The following PARP6 variants were observed in gnomAD, a reference collection of about 807,000 sequenced individuals.
PARP6 encodes poly(ADP-ribose) polymerase family member 6.
In PARP6, 27 loss-of-function variants were observed where a neutral mutation model predicts 92.0. The observed-to-expected ratio is 0.29, with a 90% CI of 0.22 to 0.40. PARP6 has a LOEUF of 0.40. Ranked by LOEUF, PARP6 falls within the 10% of genes least tolerant of loss-of-function variation. The probability of loss-of-function intolerance (pLI) is 1.00; values close to 1 mark genes in which losing one functional copy is unlikely to be tolerated. For synonymous variants in PARP6, 272 were observed against 281.2 expected, an observed-to-expected ratio of 0.97 and a Z score of 0.33; for missense variants, 501 against 784.5, an observed-to-expected ratio of 0.64 and a Z score of 4.32.
chr15:72,245,549 A>C (rs1026313578), intron 20 of PARP6: 1 of 152,232 alleles, frequency 6.6e-6, no homozygotes, highest in Non-Finnish European at 1.5e-5. Context: ...TTGCAGCCCT[A>C]TCTCTGCTAC....
chr15:72,267,449 T>TG (rs779043866), intron 3 of PARP6, 26 bp downstream of exon 3: 1 of 1,612,976 alleles, frequency 6.2e-7, no homozygotes, highest in Non-Finnish European at 8.5e-7. Flanking sequence ...AACAATCAGT[T>TG]GGAGAGGTGG....
intron 13 of PARP6, 99 bp downstream of exon 13, chr15:72,257,249 A>G: frequency 1.1e-6 from 1 of 875,054 alleles, no homozygotes; most frequent in Middle Eastern, 2.2e-4. Flanking sequence ...TATCTTATAT[A>G]CAAAAGCATT....
chr15:72,245,055 C>G (rs1349894232), intron 20 of PARP6: 1 of 152,326 alleles, frequency 6.6e-6, no homozygotes, highest in Non-Finnish European at 1.5e-5. Context: ...ATGACAAGAA[C>G]AGCACTGGAA....
At chr15:72,259,584 G>C (rs778119530) in intron 11 of PARP6, 24 bp downstream of exon 11, 2 of 1,611,202 alleles carry the variant, frequency 1.2e-6, no homozygotes, top group South Asian at 2.2e-5. Flanking sequence ...AAGGGCTTCG[G>C]AGTGACAATT....
At chr15:72,245,920 A>T (rs1172137452) in intron 20 of PARP6, 3 of 152,220 alleles carry the variant, frequency 2.0e-5, no homozygotes, top group Non-Finnish European at 4.4e-5. Flanking sequence ...ACCAAGAACC[A>T]TGAGAATCTC....
At chr15:72,269,499 A>T (rs2087074444) in intron 2 of PARP6, among the ~76,000 whole-genome samples, 1 of 152,134 alleles carries the variant, frequency 6.6e-6, no homozygotes, top group South Asian at 2.1e-4. Context: ...AGGTTTCCAG[A>T]TTAGTGATTC....
At chr15:72,267,392 A>G (rs547945616) in intron 3 of PARP6, 83 bp downstream of exon 3, 1 of 1,473,816 alleles carries the variant, frequency 6.8e-7, no homozygotes, top group East Asian at 2.3e-5. Context: ...TAGAAGGGAA[A>G]ATACCAAGAA....
At chr15:72,261,766 T>A (rs1246204704) in intron 8 of PARP6, 59 bp from the exon 9 acceptor site, 1 of 1,520,500 alleles carries the variant, frequency 6.6e-7, no homozygotes, top group Non-Finnish European at 9.1e-7. Flanking sequence ...AAATAAGGAC[T>A]AAAGAGAGAC....
At position 72,260,640 on chromosome 15, in the gene PARP6, T is replaced by A. The variant is rs753863683; in HGVS notation, c.594A>T (p.Leu198=). The A allele has an allele frequency of 2.5e-6, 4 of 1,614,148 alleles. No individual in the cohort carries two copies. In the East Asian group the frequency reaches 8.9e-5, roughly 36 times the overall value. ...IIQDSMLKGK[L]GVPELRVGRL... is the part of the protein sequence containing the mutation. ...GCCCAACCCGAAGCTCTGGTACACC[T>A]AGTTTGCCTTTCAGCATGGAGTCCT... The change falls in exon 10 of 24, where the codon CTA becomes CTT. Residue 198 remains leucine, a synonymous_variant. Transcript: ENST00000569795.
intron 2 of PARP6, 45 bp downstream of exon 2, chr15:72,270,978 G>A (rs917716520): frequency 6.6e-6 from 1 of 152,244 alleles, no homozygotes; most frequent in African/African-American, 2.4e-5. Flanking sequence ...TCTACACATA[G>A]ACAAAAATCA....
intron 20 of PARP6, among the ~76,000 whole-genome samples, chr15:72,247,162 G>A (rs1031371110): frequency 1.3e-5 from 2 of 152,054 alleles, no homozygotes; most frequent in African/African-American, 4.8e-5. Context: ...GTCTTCTGAA[G>A]AATATAAGTT....
intron 19 of PARP6, 115 bp from the exon 20 acceptor site, chr15:72,249,429 G>C (rs2084048779): frequency 5.2e-6 from 3 of 580,168 alleles, no homozygotes; most frequent in Non-Finnish European, 9.2e-6. Flanking sequence ...TCTCATTCAA[G>C]TAACCCTAAG....
rs1467400263 is a variant in PARP6 at position 72,261,610 on chromosome 15, C to G, written c.493G>C (p.Gly165Arg). The change falls in exon 9 of 24, where the codon GGT (glycine) becomes CGT (arginine). Residue 165 changes from glycine (G) to arginine (R), a missense_variant. Physicochemically the swap from Gly to Arg is moderately radical, Grantham distance 125. Around this residue, in one of 4 missense-constraint regions of PARP6, gnomAD observed 291 missense variants for 352.0 expected, o/e 0.83. Coordinates refer to ENST00000569795, the MANE Select transcript of PARP6 (RefSeq NM_001323532.2). ...EKRHSWFKAS[G>R]TIKKFRAGLS... ...CCAGCTCGGAACTTCTTGATGGTAC[C>G]ACTTGCCTTGAACCAACTGTGCCTC... 2 of 1,613,952 alleles carry G rather than the reference C, an allele frequency of 1.2e-6. No homozygotes were observed. Among genetic ancestry groups the G allele is most frequent in the Non-Finnish European group, 1.7e-6 (2 of 1,179,984 alleles).
intron 20 of PARP6, among the ~76,000 whole-genome samples, chr15:72,248,229 C>T (rs559440637): frequency 6.6e-6 from 1 of 151,918 alleles, no homozygotes. Context: ...ATCTATTGTA[C>T]CTATTTTTAT....
At chr15:72,261,919 A>G (rs1464561495) in intron 8 of PARP6, among the ~76,000 whole-genome samples, 1 of 152,194 alleles carries the variant, frequency 6.6e-6, no homozygotes, top group East Asian at 1.9e-4. Flanking sequence ...CACCTAGCCT[A>G]ATGGCCAGAA....
intron 20 of PARP6, chr15:72,243,486 CCTACTTCAAACAGTCTT>C (rs2140884170): frequency 6.6e-6 from 1 of 152,324 alleles, no homozygotes; most frequent in South Asian, 2.1e-4. Context: ...CTTGAAGAAT[CCTACTTCAAACAGTCTT>C]CCCAGGCTTG....
chr15:72,242,268 A>C lies in PARP6; in HGVS notation c.1642-48T>G, dbSNP rs1203654617. ...AGACCAGAGCCAGGTAGATGGGTAC[A>C]GCTTTCCCTAGAGAGGCTGGTTAGC... is the stretch of plus-strand genomic sequence containing the variant. On this transcript the variant is annotated intron_variant, in intron 21 of 23. Coordinates refer to ENST00000569795, the MANE Select transcript of PARP6 (RefSeq NM_001323532.2). This position sits in a 1 kb window ranked among gnomAD's most constrained non-coding sequence, Gnocchi z 4.3. 1 of 1,457,118 alleles carries C rather than the reference A, an allele frequency of 6.9e-7. No individual in the cohort carries two copies. The allele number at this position is 1,457,118 out of a possible 1,614,324, so 90.3% of individuals were successfully genotyped here. A position where few individuals can be genotyped will look rare whatever the true frequency, so the allele number is the denominator to read the frequency against.
At chr15:72,244,807 A>G (rs1014141718) in intron 20 of PARP6, 3 of 152,248 alleles carry the variant, frequency 2.0e-5, no homozygotes, top group Admixed American at 2.0e-4. Context: ...TCAGTCTAAT[A>G]TAGTGTATTA....
At position 72,251,214 on chromosome 15, in the gene PARP6, A is replaced by G. The variant is rs757735080; in HGVS notation, c.1301T>C (p.Leu434Pro). Residue 434 changes from leucine to proline, a missense_variant, in exon 17 of 24, where the codon CTC becomes CCC. Around this residue, in one of 4 missense-constraint regions of PARP6, gnomAD observed 191 missense variants for 399.1 expected, o/e 0.48. Transcript: ENST00000569795. ...GGGAGAATGGTCACTTACCCTGCTG[A>G]GAGGTAGTTTGACAATGTGTGACCT... ...SNRSHIVKLP[L>P]SRLKFMHTSH... 1 of 1,593,730 alleles carries G rather than the reference A, an allele frequency of 6.3e-7. No individual in the cohort carries two copies. Among genetic ancestry groups the G allele is most frequent in the South Asian group, 1.1e-5 (1 of 90,640 alleles).
Sources: gnomAD v4.1 joint callset for allele counts (sites outside exome capture counted in the v4.1 genomes callset) on GRCh38, gnomAD v4.1.1 for gene constraint, gnomAD v4.1.1 regional missense constraint, Gnocchi (gnomAD v3.1) non-coding constraint, MANE v1.5 for transcripts, NCBI Gene and HGNC (gene_info 2026-07-23, HGNC 2026-07-21) for gene names.